COL25A1: variants seen among roughly 807,000 people sequenced by gnomAD.
The protein encoded by COL25A1 is collagen type XXV alpha 1 chain.
A neutral mutation model predicts 128.4 loss-of-function variants in COL25A1; 103 were observed. The observed-to-expected ratio is 0.80, with a 90% CI of 0.68 to 0.94. The LOEUF (loss-of-function observed/expected upper bound fraction) is 0.94, where lower values mean the gene tolerates loss of function less well. COL25A1 is among the 40% of genes least tolerant of loss of function. The pLI is 0.00. For missense variants in COL25A1, 745 were observed against 840.0 expected, an observed-to-expected ratio of 0.89 and a Z score of 1.40; for synonymous variants, 279 against 277.2, an observed-to-expected ratio of 1.01 and a Z score of -0.06.
At chr4:108,881,511 T>G (rs1307973365) in intron 19 of COL25A1, among the ~76,000 whole-genome samples, 2 of 152,180 alleles carry the variant, frequency 1.3e-5, no homozygotes, top group Non-Finnish European at 2.9e-5. Context: ...CTAGGAAGAT[T>G]ATGAGTAATG....
intron 28 of COL25A1, 125 bp from the exon 29 acceptor site, chr4:108,845,376 A>C (rs979889650): frequency 1.4e-6 from 1 of 733,514 alleles, no homozygotes; most frequent in Non-Finnish European, 2.4e-6. Flanking sequence ...TGCTACATAA[A>C]AGAAGGATTT....
intron 8 of COL25A1, among the ~76,000 whole-genome samples, chr4:108,963,651 A>G (rs1470404081): frequency 1.3e-5 from 2 of 152,114 alleles, no homozygotes; most frequent in Non-Finnish European, 2.9e-5. Flanking sequence ...TAAGACAAAG[A>G]ATAAAACCTT....
chr4:109,253,011 T>C (rs1201631649), intron 3 of COL25A1, among the ~76,000 whole-genome samples: 1 of 152,184 alleles, frequency 6.6e-6, no homozygotes, highest in Non-Finnish European at 1.5e-5. Context: ...TGCTTCTTCG[T>C]GTAACTTACT....
intron 3 of COL25A1, among the ~76,000 whole-genome samples, chr4:109,195,108 A>C (rs1775919275): frequency 6.6e-6 from 1 of 152,074 alleles, no homozygotes; most frequent in Non-Finnish European, 1.5e-5. Context: ...TACCCACAAA[A>C]ATTTTTAAAA....
At chr4:108,965,681 C>T (rs912192232) in intron 8 of COL25A1, among the ~76,000 whole-genome samples, 1 of 152,032 alleles carries the variant, frequency 6.6e-6, no homozygotes. Flanking sequence ...ATGAACTGGG[C>T]AAACAAAAAG....
At chr4:109,137,984 A>ATATGTGTGTGTGTGTGTGTGTGTGTGTG (rs547874075) in intron 3 of COL25A1, among the ~76,000 whole-genome samples, 12 of 142,592 alleles carry the variant, frequency 8.4e-5, no homozygotes, top group South Asian at 4.8e-4. Flanking sequence ...TTATATATAT[A>ATATGTGTGTGTGTGTGTGTGTGTGTGTG]TGTGTGTGTG....
chr4:109,050,906 C>T (rs183910517), intron 3 of COL25A1, among the ~76,000 whole-genome samples: 5 of 151,212 alleles, frequency 3.3e-5, no homozygotes, highest in Admixed American at 2.6e-4. Flanking sequence ...GGTAAGTTAC[C>T]GGTAAAGACC....
chr4:109,054,370 C>T (rs1761266235), intron 3 of COL25A1, among the ~76,000 whole-genome samples: 1 of 152,184 alleles, frequency 6.6e-6, no homozygotes, highest in Non-Finnish European at 1.5e-5. Context: ...ATAATACTCA[C>T]TCCGCCCCAT....
At chr4:109,036,686 G>T (rs1759392394) in intron 5 of COL25A1, among the ~76,000 whole-genome samples, 1 of 152,176 alleles carries the variant, frequency 6.6e-6, no homozygotes, top group Non-Finnish European at 1.5e-5. Context: ...CTAAGGGATG[G>T]TTTTTAAAAA....
intron 5 of COL25A1, chr4:109,022,087 C>G: frequency 2.3e-6 from 1 of 444,314 alleles, no homozygotes; most frequent in South Asian, 1.6e-5. Context: ...GTGACCTACT[C>G]CCTGTTCGTA....
At chr4:109,140,074 G>T (rs1385036559) in intron 3 of COL25A1, among the ~76,000 whole-genome samples, 1 of 152,110 alleles carries the variant, frequency 6.6e-6, no homozygotes, top group East Asian at 1.9e-4. Context: ...GTCTATCATT[G>T]TTGGACATTT....
At chr4:108,938,843 C>T (rs1035722490) in intron 10 of COL25A1, among the ~76,000 whole-genome samples, 2 of 151,028 alleles carry the variant, frequency 1.3e-5, no homozygotes, top group South Asian at 2.1e-4. Context: ...GGTGACAGAG[C>T]GAGACTCCGT....
intron 3 of COL25A1, among the ~76,000 whole-genome samples, chr4:109,078,835 T>C (rs3096494): frequency 0.86 from 130,926 of 152,240 alleles, 56,488 homozygotes; most frequent in East Asian, 1. Flanking sequence ...CTGAACACCT[T>C]CCTGGTATGA....
chr4:109,036,459 C>T (rs934177093), intron 5 of COL25A1, among the ~76,000 whole-genome samples: 4 of 152,158 alleles, frequency 2.6e-5, no homozygotes, highest in South Asian at 2.1e-4. Flanking sequence ...AATGGCAACT[C>T]CTGATCAGCT....
At chr4:109,300,204 C>T (rs1725381184) in intron 3 of COL25A1, among the ~76,000 whole-genome samples, 2 of 150,432 alleles carry the variant, frequency 1.3e-5, no homozygotes, top group South Asian at 2.1e-4. Flanking sequence ...AAACTCTGCA[C>T]TAACACAATA....
chr4:109,165,492 G>A (rs1309307111), intron 3 of COL25A1, among the ~76,000 whole-genome samples: 2 of 152,166 alleles, frequency 1.3e-5, no homozygotes, highest in African/African-American at 4.8e-5. Context: ...GAGTCAGGAG[G>A]CTCACTGGAG....
intron 32 of COL25A1, among the ~76,000 whole-genome samples, chr4:108,831,304 A>C (rs989317232): frequency 1.3e-5 from 2 of 152,120 alleles, no homozygotes; most frequent in African/African-American, 4.8e-5. Flanking sequence ...AAGTGGGAGG[A>C]GAGTTTCCAT....
intron 5 of COL25A1, among the ~76,000 whole-genome samples, chr4:109,013,351 A>G (rs1254247166): frequency 2.1e-5 from 1 of 48,238 alleles, no homozygotes; most frequent in Non-Finnish European, 3.2e-5. Flanking sequence ...AAACGCACCA[A>G]TCAGCACCCT....
chr4:109,034,414 A>G (rs188663055), intron 5 of COL25A1, among the ~76,000 whole-genome samples: 2 of 152,330 alleles, frequency 1.3e-5, no homozygotes, highest in African/African-American at 4.8e-5. Context: ...ATTAGAAAAG[A>G]TATGCCCTTA....
Sources: gnomAD v4.1 joint callset for allele counts (sites outside exome capture counted in the v4.1 genomes callset) on GRCh38, gnomAD v4.1.1 for gene constraint, MANE v1.5 for transcripts, NCBI Gene and HGNC (gene_info 2026-07-23, HGNC 2026-07-21) for gene names.